The following SBF2 variants were observed in gnomAD, a reference collection of about 807,000 sequenced individuals.
SBF2 encodes SET binding factor 2.
SBF2 carries 112 observed loss-of-function variants against 225.2 expected under a neutral mutation model. The observed-to-expected ratio is 0.50, with a 90% confidence interval of 0.43 to 0.58. The LOEUF (loss-of-function observed/expected upper bound fraction) is 0.58. SBF2 is among the 20% of genes least tolerant of loss of function. The pLI is 0.00. For synonymous variants in SBF2, 763 were observed against 773.3 expected (o/e 0.99, Z 0.22); for missense variants, 1,996 against 2,206.2 (o/e 0.90, Z 1.91).
intron 1 of SBF2, among the ~76,000 whole-genome samples, chr11:10,209,770 A>G (rs1334741136): frequency 1.3e-5 from 2 of 152,096 alleles, no homozygotes; most frequent in Non-Finnish European, 2.9e-5. Context: ...ATTATGTTCC[A>G]CTGCATATGA....
chr11:10,173,387 G>C (rs1019628687), intron 2 of SBF2, among the ~76,000 whole-genome samples: 20 of 152,216 alleles, frequency 1.3e-4, no homozygotes, highest in African/African-American at 4.6e-4. Flanking sequence ...CCTAGTCAAA[G>C]AAAGGGGTGA....
intron 1 of SBF2, among the ~76,000 whole-genome samples, chr11:10,274,580 G>A (rs955494049): frequency 6.6e-6 from 1 of 151,978 alleles, no homozygotes; most frequent in African/African-American, 2.4e-5. Flanking sequence ...GTGAAACACT[G>A]TCTCTACTAA....
At chr11:10,004,772 T>C (rs925271256) in intron 6 of SBF2, among the ~76,000 whole-genome samples, 1 of 152,126 alleles carries the variant, frequency 6.6e-6, no homozygotes, top group Non-Finnish European at 1.5e-5. Context: ...TGACTATTCC[T>C]CTATCTTCCT....
intron 2 of SBF2, among the ~76,000 whole-genome samples, chr11:10,145,316 T>G (rs1450807031): frequency 6.6e-6 from 1 of 152,158 alleles, no homozygotes; most frequent in Non-Finnish European, 1.5e-5. Flanking sequence ...GTAGTCAGAC[T>G]TCTTACATTG....
intron 33 of SBF2, among the ~76,000 whole-genome samples, chr11:9,792,939 GTT>G (rs34305025): frequency 0.32 from 38,663 of 120,254 alleles, 5,935 homozygotes; most frequent in Non-Finnish European, 0.37. Context: ...GTGTGTGTGT[GTT>G]TTTTTTTTTT....
chr11:9,961,783 A>C, intron 16 of SBF2, 174 bp downstream of exon 16: 3 of 567,304 alleles, frequency 5.3e-6, no homozygotes, highest in Non-Finnish European at 9.1e-6. Context: ...AAAAACTCTT[A>C]ATATTTATGC....
intron 1 of SBF2, among the ~76,000 whole-genome samples, chr11:10,219,937 TA>T (rs1259345691): frequency 6.6e-6 from 1 of 152,202 alleles, no homozygotes; most frequent in Non-Finnish European, 1.5e-5. Flanking sequence ...CCCTCTAAAC[TA>T]TTCCAACCTC....
intron 1 of SBF2, among the ~76,000 whole-genome samples, chr11:10,285,434 G>C (rs1316864081): frequency 6.6e-6 from 1 of 152,002 alleles, no homozygotes; most frequent in African/African-American, 2.4e-5. Context: ...CAGGAGAATA[G>C]GACCTGGTGG....
At chr11:10,208,422 T>C (rs1238935113) in intron 1 of SBF2, among the ~76,000 whole-genome samples, 1 of 152,132 alleles carries the variant, frequency 6.6e-6, no homozygotes, top group African/African-American at 2.4e-5. Context: ...CTTCATTTTG[T>C]ATGATGTAGA....
intron 13 of SBF2, among the ~76,000 whole-genome samples, chr11:9,982,886 G>A (rs775704126): frequency 1.3e-5 from 2 of 152,206 alleles, no homozygotes; most frequent in African/African-American, 4.8e-5. Flanking sequence ...AGAGCCAAGC[G>A]AAATACAGGG....
intron 1 of SBF2, among the ~76,000 whole-genome samples, chr11:10,289,713 A>T (rs970715093): frequency 6.6e-6 from 1 of 152,130 alleles, no homozygotes; most frequent in Non-Finnish European, 1.5e-5. Flanking sequence ...TGCCCTCGGC[A>T]GGGTGGGTGT....
intron 2 of SBF2, among the ~76,000 whole-genome samples, chr11:10,168,361 C>T (rs769513698): frequency 6.6e-6 from 1 of 152,176 alleles, no homozygotes; most frequent in African/African-American, 2.4e-5. Context: ...TTGTTTTTCT[C>T]TAAGTACCTG....
chr11:9,856,785 ATTTTT>A (rs11322743), intron 18 of SBF2, 65 bp from the exon 19 acceptor site: 581 of 1,040,248 alleles, frequency 5.6e-4, no homozygotes, highest in Non-Finnish European at 5.9e-4. Context: ...AAAAACATAG[ATTTTT>A]TTTTTTTTTT....
At chr11:10,207,622 A>G (rs1957792443) in intron 1 of SBF2, among the ~76,000 whole-genome samples, 1 of 152,094 alleles carries the variant, frequency 6.6e-6, no homozygotes, top group Admixed American at 6.5e-5. Flanking sequence ...GAGGGACCAG[A>G]AGGCACTGTC....
intron 2 of SBF2, among the ~76,000 whole-genome samples, chr11:10,184,100 A>T (rs1956838631): frequency 6.6e-6 from 1 of 152,258 alleles, no homozygotes; most frequent in Non-Finnish European, 1.5e-5. Flanking sequence ...TGTTTCCCAT[A>T]AACATGTAGA....
intron 29 of SBF2, 83 bp from the exon 30 acceptor site, chr11:9,812,791 A>C (rs1854262583): frequency 6.9e-7 from 1 of 1,452,114 alleles, no homozygotes; most frequent in Admixed American, 1.7e-5. Context: ...GTGCATAATG[A>C]CAAAGTTATT....
At chr11:9,844,091 CT>C (rs906983442) in intron 24 of SBF2, among the ~76,000 whole-genome samples, 2 of 152,162 alleles carry the variant, frequency 1.3e-5, no homozygotes, top group Non-Finnish European at 2.9e-5. Flanking sequence ...CCACACAAAG[CT>C]TTGTCTCTTC....
intron 17 of SBF2, among the ~76,000 whole-genome samples, chr11:9,870,323 T>C (rs1468653732): frequency 6.6e-6 from 1 of 152,132 alleles, no homozygotes; most frequent in African/African-American, 2.4e-5. Context: ...TAAACTACCA[T>C]TGACATTCTT....
intron 2 of SBF2, among the ~76,000 whole-genome samples, chr11:10,185,107 T>C (rs909047913): frequency 2.7e-5 from 4 of 147,502 alleles, no homozygotes; most frequent in African/African-American, 9.9e-5. Context: ...TGAATAATAT[T>C]CTGGGGGGGG....
Sources: allele counts gnomAD v4.1 joint callset (sites outside exome capture counted in the v4.1 genomes callset), GRCh38; gene constraint gnomAD v4.1.1; transcripts MANE v1.5; gene names NCBI Gene and HGNC (gene_info 2026-07-23, HGNC 2026-07-21).